The following CERKL variants were observed in gnomAD, a reference collection of about 807,000 sequenced individuals.
CERKL encodes ceramide kinase-like protein.
A neutral mutation model predicts 63.4 loss-of-function variants in CERKL; 61 were observed. The observed-to-expected ratio is 0.96, with a 90% CI of 0.78 to 1.19. The LOEUF is 1.19. Among genes scored for constraint, CERKL ranks in the 50% most tolerant of loss-of-function variants. The probability of loss-of-function intolerance (pLI) is 0.00; values close to 1 mark genes in which losing one functional copy is unlikely to be tolerated. For missense variants in CERKL, 675 were observed against 655.5 expected (o/e 1.03, Z -0.33); for synonymous variants, 250 against 230.5 (o/e 1.08, Z -0.77).
chr2:181,549,640 T>C lies in CERKL; in HGVS notation c.889A>G (p.Ile297Val). Residue 297 changes from isoleucine to valine, a missense_variant, in exon 6 of 13, where the codon ATA becomes GTA. Ile to Val is a conservative substitution (Grantham distance 29). Coordinates refer to ENST00000410087, the MANE Select transcript of CERKL (RefSeq NM_201548.5). ...PHVITATLHIIMGHVQLVDVC... is the reference protein window; with the variant it reads ...PHVITATLHIVMGHVQLVDVC... ...GCTTTGGAAGAATTCTTACCCATTA[T>C]AATGTGCAATGTTGCAGTTATCACA... The C allele has an allele frequency of 1.2e-6, 2 of 1,605,474 alleles. No individual in the cohort carries two copies. Among genetic ancestry groups the C allele is most frequent in the Non-Finnish European group, 1.7e-6 (2 of 1,172,400 alleles).
intron 2 of CERKL, among the ~76,000 whole-genome samples, chr2:181,590,314 ATTT>A (rs1684939851): frequency 6.6e-6 from 1 of 151,246 alleles, no homozygotes; most frequent in Non-Finnish European, 1.5e-5. Flanking sequence ...ATGTTCTTCT[ATTT>A]TTAGTAGAGA....
At chr2:181,608,653 AG>A (rs1685826079) in intron 1 of CERKL, among the ~76,000 whole-genome samples, 1 of 152,176 alleles carries the variant, frequency 6.6e-6, no homozygotes, top group Non-Finnish European at 1.5e-5. Flanking sequence ...GAAATCCAGA[AG>A]GATTTCCAAA....
Position 181,656,946 on chromosome 2 carries a change from C to A in CERKL, c.61G>T (p.Ala21Ser). 6.3e-7 allele frequency: 1 copy of A among 1,586,464 alleles called. No individual in the cohort carries two copies. Among genetic ancestry groups the A allele is most frequent in the Non-Finnish European group, 8.6e-7 (1 of 1,166,024 alleles). Reference sequence around the variant, plus strand: ...GGCACAGCGGCAGCCTCCGGGGGCGCCTCTTCCTCCCGGCCGCCCTCCAGG... The same window carrying A: ...GGCACAGCGGCAGCCTCCGGGGGCGACTCTTCCTCCCGGCCGCCCTCCAGG... ...SALEGGREEE[A>S]PPEAAAVPPA... is the part of the protein sequence containing the mutation. Residue 21 changes from alanine (A) to serine (S), a missense_variant, in exon 1 of 13, where the codon GCG becomes TCG. Physicochemically the swap from Ala to Ser is moderately conservative, Grantham distance 99. Coordinates refer to ENST00000410087, the MANE Select transcript of CERKL (RefSeq NM_201548.5).
chr2:181,600,594 C>T (rs1014278960), intron 2 of CERKL, among the ~76,000 whole-genome samples: 1 of 152,038 alleles, frequency 6.6e-6, no homozygotes, highest in Non-Finnish European at 1.5e-5. Context: ...AGACATTAAA[C>T]CAACAACATC....
intron 2 of CERKL, among the ~76,000 whole-genome samples, chr2:181,577,659 G>A (rs192972567): frequency 2.5e-4 from 38 of 152,250 alleles, no homozygotes; most frequent in African/African-American, 8.9e-4. Context: ...GAGGGTTGGG[G>A]ACAGTATCAG....
chr2:181,542,650 TG>T (rs903559348), intron 11 of CERKL, among the ~76,000 whole-genome samples: 1 of 151,350 alleles, frequency 6.6e-6, no homozygotes, highest in African/African-American at 2.4e-5. Context: ...AAAAATAGCA[TG>T]GATTTTAATT....
chr2:181,559,606 G>T (rs1336850451), intron 4 of CERKL, among the ~76,000 whole-genome samples: 1 of 152,132 alleles, frequency 6.6e-6, no homozygotes, highest in East Asian at 1.9e-4. Flanking sequence ...CCCAGATCTG[G>T]TTTTTCTACA....
intron 1 of CERKL, among the ~76,000 whole-genome samples, chr2:181,605,935 G>A (rs1226138226): frequency 6.6e-6 from 1 of 151,828 alleles, no homozygotes; most frequent in Non-Finnish European, 1.5e-5. Context: ...CATTCTCAGG[G>A]GCATTTTTGG....
chr2:181,651,706 A>T (rs1687946574), intron 1 of CERKL, among the ~76,000 whole-genome samples: 1 of 150,158 alleles, frequency 6.7e-6, no homozygotes, highest in Non-Finnish European at 1.5e-5. Context: ...CGAGCATCCA[A>T]ATTAGAAAGA....
chr2:181,654,805 A>C (rs181224293), intron 1 of CERKL, among the ~76,000 whole-genome samples: 33 of 152,146 alleles, frequency 2.2e-4, no homozygotes, highest in African/African-American at 6.0e-4. Flanking sequence ...GCTTTTTGAG[A>C]TGGAGATTCA....
intron 12 of CERKL, among the ~76,000 whole-genome samples, 185 bp downstream of exon 12, chr2:181,538,907 G>T (rs1687347274): frequency 6.6e-6 from 1 of 152,108 alleles, no homozygotes; most frequent in African/African-American, 2.4e-5. Flanking sequence ...CATAACAGTT[G>T]AATAAATGTA....
Position 181,656,970 on chromosome 2 carries a change from G to C in CERKL, c.37C>G (p.Leu13Val). The change falls in exon 1 of 13, where the codon CTG becomes GTG. Residue 13 changes from leucine to valine, a missense_variant. Transcript: ENST00000410087. ...GCCTCTTCCTCCCGGCCGCCCTCCA[G>C]GGCACTCACCCGGTTCCTGCGCCTC... is the stretch of plus-strand genomic sequence containing the variant. ...WRRRRNRVSA[L>V]EGGREEEAPP... 1 of 1,584,674 alleles carries C rather than the reference G, an allele frequency of 6.3e-7. No individual in the cohort carries two copies. The highest frequency in any genetic ancestry group is 1.1e-5 in the South Asian group (1 of 88,928).
chr2:181,621,736 A>G (rs1686463522), intron 1 of CERKL, among the ~76,000 whole-genome samples: 1 of 152,238 alleles, frequency 6.6e-6, no homozygotes, highest in South Asian at 2.1e-4. Context: ...CAAGTATTTT[A>G]TATACTTAGG....
At chr2:181,590,523 T>C (rs1684949023) in intron 2 of CERKL, among the ~76,000 whole-genome samples, 1 of 152,062 alleles carries the variant, frequency 6.6e-6, no homozygotes, top group African/African-American at 2.4e-5. Flanking sequence ...AAAATATTTG[T>C]AACATATCAA....
At chr2:181,542,901 TA>T (rs889967347) in intron 11 of CERKL, among the ~76,000 whole-genome samples, 2 of 142,852 alleles carry the variant, frequency 1.4e-5, no homozygotes, top group African/African-American at 2.4e-5. Flanking sequence ...TATATTGATT[TA>T]AAAAAATGAA....
intron 1 of CERKL, among the ~76,000 whole-genome samples, chr2:181,620,973 ATTGGT>A (rs1686423841): frequency 6.6e-6 from 1 of 152,228 alleles, no homozygotes; most frequent in Non-Finnish European, 1.5e-5. Flanking sequence ...ATAGCTTATA[ATTGGT>A]TTGATTTTTA....
intron 1 of CERKL, among the ~76,000 whole-genome samples, chr2:181,612,026 C>T (rs1574497634): frequency 6.6e-6 from 1 of 152,298 alleles, no homozygotes; most frequent in Non-Finnish European, 1.5e-5. Context: ...AAACGCTGTT[C>T]TCTGTACTTC....
chr2:181,559,123 A>C (rs1418011330), intron 4 of CERKL, among the ~76,000 whole-genome samples: 1 of 152,210 alleles, frequency 6.6e-6, no homozygotes, highest in Non-Finnish European at 1.5e-5. Context: ...TAAAGCTCTG[A>C]AAAGACAGAT....
intron 1 of CERKL, among the ~76,000 whole-genome samples, chr2:181,624,645 AAC>A (rs1303025559): frequency 6.6e-6 from 1 of 152,226 alleles, no homozygotes; most frequent in Non-Finnish European, 1.5e-5. Flanking sequence ...GAGAGTGTAT[AAC>A]ACCAAGTGGT....
Sources: gnomAD v4.1 joint callset for allele counts (sites outside exome capture counted in the v4.1 genomes callset) on GRCh38, gnomAD v4.1.1 for gene constraint, MANE v1.5 for transcripts, NCBI Gene and HGNC (gene_info 2026-07-23, HGNC 2026-07-21) for gene names.